The following PTPN13 variants were observed in gnomAD, a reference collection of about 807,000 sequenced individuals.
PTPN13 encodes the protein tyrosine-protein phosphatase non-receptor type 13.
In PTPN13, 191 loss-of-function variants were observed where a neutral mutation model predicts 284.0. That is an observed-to-expected ratio of 0.67 (90% CI 0.60 to 0.76). PTPN13 has a LOEUF of 0.76. Ranked by LOEUF, PTPN13 falls within the 30% of genes least tolerant of loss-of-function variation. PTPN13 has a pLI of 0.00. For missense variants in PTPN13, 2,797 were observed against 2,939.9 expected (o/e 0.95, Z 1.12); for synonymous variants, 986 against 1,022.3 (o/e 0.96, Z 0.68).
At chr4:86,689,225 T>C in intron 5 of PTPN13, 35 bp downstream of exon 5, 1 of 1,568,352 alleles carries the variant, frequency 6.4e-7, no homozygotes, top group Non-Finnish European at 8.7e-7. Flanking sequence ...TATAGTCATA[T>C]TTTAAAATTT....
In PTPN13 at chr4:86,814,449, G is replaced by T. The variant is rs750256325; in HGVS notation, c.7363-7G>T. Reference sequence around the variant, plus strand: ...AAAGTATTCTATCTCACTTTTTTTGGCCATAGGATCAATATATTTTCTGCT... The same window carrying T: ...AAAGTATTCTATCTCACTTTTTTTGTCCATAGGATCAATATATTTTCTGCT... On this transcript the variant is annotated splice_region_variant and splice_polypyrimidine_tract_variant and intron_variant, in intron 47 of 47. Coordinates refer to ENST00000411767, the MANE Select transcript of PTPN13 (RefSeq NM_080683.3). 2 of 1,581,134 alleles carry T rather than the reference G, an allele frequency of 1.3e-6. No individual in the cohort carries two copies. Among genetic ancestry groups the T allele is most frequent in the Non-Finnish European group, 1.7e-6 (2 of 1,155,928 alleles).
chr4:86,777,487 C>T (rs1297177333), intron 35 of PTPN13, among the ~76,000 whole-genome samples: 1 of 152,048 alleles, frequency 6.6e-6, no homozygotes, highest in African/African-American at 2.4e-5. Flanking sequence ...AAAATCTGAA[C>T]CTAATCATAT....
chr4:86,707,063 A>G (rs1731853425), intron 7 of PTPN13, among the ~76,000 whole-genome samples: 1 of 152,044 alleles, frequency 6.6e-6, no homozygotes, highest in Admixed American at 6.5e-5. Flanking sequence ...TACACGCCCT[A>G]TCCATTGCTC....
chr4:86,696,811 G>C (rs1730639633), intron 6 of PTPN13, among the ~76,000 whole-genome samples: 1 of 151,870 alleles, frequency 6.6e-6, no homozygotes, highest in South Asian at 2.1e-4. Context: ...ACCAAATTTT[G>C]TTTGTGTTTC....
At chr4:86,649,512 C>T (rs951951479) in intron 2 of PTPN13, among the ~76,000 whole-genome samples, 8 of 152,092 alleles carry the variant, frequency 5.3e-5, no homozygotes, top group African/African-American at 1.9e-4. Flanking sequence ...GTTCCTGGCA[C>T]CTTAGTCAAA....
intron 1 of PTPN13, among the ~76,000 whole-genome samples, chr4:86,608,906 C>T (rs1765029373): frequency 6.6e-6 from 1 of 152,130 alleles, no homozygotes; most frequent in Admixed American, 6.5e-5. Flanking sequence ...GAGCCCCAAA[C>T]TGTTGTTGAC....
chr4:86,722,260 C>T lies in PTPN13; in HGVS notation c.1434C>T (p.Ile478=), dbSNP rs781495547. ...PFEGNLINQE[I]MLKRQEEELM... is the part of the protein sequence containing the mutation. ...AAGGCAACTTAATTAATCAAGAGAT[C>T]ATGCTAAAACGGCAAGAGGAAGAAC... The change falls in exon 10 of 48, where the codon ATC becomes ATT. Residue 478 remains isoleucine (I), a synonymous_variant. Coordinates refer to ENST00000411767, the MANE Select transcript of PTPN13 (RefSeq NM_080683.3). 6.2e-7 allele frequency: 1 copy of T among 1,613,784 alleles called. No individual in the cohort carries two copies. The highest frequency in any genetic ancestry group is 8.5e-7 in the Non-Finnish European group (1 of 1,179,808).
chr4:86,685,882 ATACT>A (rs554178091), intron 3 of PTPN13, among the ~76,000 whole-genome samples: 18 of 152,244 alleles, frequency 1.2e-4, no homozygotes, highest in Non-Finnish European at 2.4e-4. Flanking sequence ...TTTAAGAGAA[ATACT>A]TACAAGGCTG....
At chr4:86,677,563 T>G (rs1728434264) in intron 3 of PTPN13, among the ~76,000 whole-genome samples, 1 of 151,340 alleles carries the variant, frequency 6.6e-6, no homozygotes, top group African/African-American at 2.4e-5. Flanking sequence ...TCCATCTGCC[T>G]CGGCCTCCCA....
chr4:86,695,449 T>C (rs1194656765), intron 6 of PTPN13, among the ~76,000 whole-genome samples: 2 of 152,036 alleles, frequency 1.3e-5, no homozygotes, highest in Non-Finnish European at 2.9e-5. Context: ...TTAGCACTAA[T>C]AATAGCAGCA....
chr4:86,798,536 C>T (rs1301113446), intron 41 of PTPN13, among the ~76,000 whole-genome samples: 1 of 152,124 alleles, frequency 6.6e-6, no homozygotes, highest in Non-Finnish European at 1.5e-5. Context: ...AAACACCGTT[C>T]TCCTACCTAG....
intron 7 of PTPN13, among the ~76,000 whole-genome samples, chr4:86,708,055 T>G (rs927051343): frequency 2.0e-5 from 3 of 152,190 alleles, no homozygotes; most frequent in African/African-American, 7.2e-5. Flanking sequence ...CCAACAGAAT[T>G]TCTTCAATGG....
At chr4:86,649,954 G>T (rs182639809) in intron 2 of PTPN13, among the ~76,000 whole-genome samples, 1 of 152,118 alleles carries the variant, frequency 6.6e-6, no homozygotes, top group Admixed American at 6.5e-5. Context: ...TTCCATTTTT[G>T]TGTGTCCTCT....
At chr4:86,773,555 C>T (rs963268597) in intron 32 of PTPN13, among the ~76,000 whole-genome samples, 1 of 151,926 alleles carries the variant, frequency 6.6e-6, no homozygotes, top group African/African-American at 2.4e-5. Flanking sequence ...TGAAAGTTAG[C>T]CTTTTTAAAT....
At chr4:86,745,334 T>G (rs1485694925) in intron 17 of PTPN13, among the ~76,000 whole-genome samples, 2 of 152,204 alleles carry the variant, frequency 1.3e-5, no homozygotes, top group Non-Finnish European at 2.9e-5. Context: ...AGGGAGTACC[T>G]GTTGAAGTGT....
At chr4:86,684,920 C>T (rs566595996) in intron 3 of PTPN13, among the ~76,000 whole-genome samples, 226 of 152,194 alleles carry the variant, frequency 1.5e-3, no homozygotes, top group Non-Finnish European at 2.3e-3. Flanking sequence ...TTTTGTGTCA[C>T]AGAAAAAAAT....
intron 20 of PTPN13, among the ~76,000 whole-genome samples, chr4:86,756,261 A>T (rs1216040451): frequency 1.3e-5 from 2 of 150,914 alleles, no homozygotes; most frequent in African/African-American, 2.4e-5. Context: ...ATGTGACCTC[A>T]CCCCCTTATT....
chr4:86,698,950 G>C (rs1480154524), intron 6 of PTPN13, among the ~76,000 whole-genome samples: 2 of 152,140 alleles, frequency 1.3e-5, no homozygotes, highest in East Asian at 3.8e-4. Context: ...GAAGAATATT[G>C]AAAATATGAG....
At chr4:86,732,273 C>A in intron 10 of PTPN13, 127 bp from the exon 11 acceptor site, 1 of 749,170 alleles carries the variant, frequency 1.3e-6, no homozygotes, top group Non-Finnish European at 2.1e-6. Context: ...TGTTTTAGAT[C>A]ACCTAGTTCT....
Sources: allele counts gnomAD v4.1 joint callset (sites outside exome capture counted in the v4.1 genomes callset), GRCh38; gene constraint gnomAD v4.1.1; transcripts MANE v1.5; gene names NCBI Gene and HGNC (gene_info 2026-07-23, HGNC 2026-07-21).